The following UACA variants were observed in gnomAD, a reference collection of about 807,000 sequenced individuals.
The protein encoded by UACA is uveal autoantigen with coiled-coil domains and ankyrin repeats.
UACA carries 112 observed loss-of-function variants against 160.5 expected under a neutral mutation model. That is an observed-to-expected ratio of 0.70 (90% CI 0.60 to 0.82). UACA has a LOEUF of 0.82. Ranked by LOEUF, UACA falls within the 40% of genes least tolerant of loss-of-function variation. The pLI is 0.00. For synonymous variants in UACA, 557 were observed against 568.4 expected (o/e 0.98, Z 0.29); for missense variants, 1,574 against 1,614.6 (o/e 0.97, Z 0.43).
intron 1 of UACA, among the ~76,000 whole-genome samples, chr15:70,747,427 T>A (rs1288974277): frequency 6.6e-6 from 1 of 152,032 alleles, no homozygotes; most frequent in Non-Finnish European, 1.5e-5. Context: ...TGGAGTACAC[T>A]GTCATCATCA....
intron 1 of UACA, among the ~76,000 whole-genome samples, chr15:70,744,248 C>CAAAAA (rs5813608): frequency 5.6e-4 from 36 of 64,612 alleles, no homozygotes; most frequent in Middle Eastern, 8.9e-3. Flanking sequence ...GACTCTGTCT[C>CAAAAA]AAAAAAAAAA....
intron 1 of UACA, among the ~76,000 whole-genome samples, chr15:70,701,598 T>C (rs529943806): frequency 6.6e-5 from 10 of 152,322 alleles, no homozygotes; most frequent in African/African-American, 2.2e-4. Context: ...CATTATCATA[T>C]GATTTTCAGT....
chr15:70,682,823 C>A, intron 8 of UACA, 28 bp from the exon 9 acceptor site: 1 of 1,539,230 alleles, frequency 6.5e-7, no homozygotes, highest in South Asian at 1.3e-5. Flanking sequence ...AGAGAAACAA[C>A]AAAATGGCAG....
chr15:70,713,148 T>C (rs562269322), intron 1 of UACA, among the ~76,000 whole-genome samples: 1 of 152,172 alleles, frequency 6.6e-6, no homozygotes, highest in Non-Finnish European at 1.5e-5. Context: ...ATTGAGACCA[T>C]CCTGGCTAAC....
intron 11 of UACA, among the ~76,000 whole-genome samples, chr15:70,677,777 A>G (rs1897342383): frequency 6.6e-6 from 1 of 152,154 alleles, no homozygotes. Context: ...TGCTCATCAC[A>G]GTGTTCTCTG....
At chr15:70,707,116 G>A (rs1898543806) in intron 1 of UACA, among the ~76,000 whole-genome samples, 1 of 152,136 alleles carries the variant, frequency 6.6e-6, no homozygotes, top group Admixed American at 6.5e-5. Flanking sequence ...AAAGTAAACA[G>A]CCCACAGATA....
intron 1 of UACA, among the ~76,000 whole-genome samples, chr15:70,751,912 G>C (rs937321904): frequency 6.6e-6 from 1 of 152,036 alleles, no homozygotes; most frequent in Non-Finnish European, 1.5e-5. Flanking sequence ...ACAAAGAGAA[G>C]AATCATTTAA....
intron 2 of UACA, among the ~76,000 whole-genome samples, chr15:70,696,968 G>A (rs1172676809): frequency 6.6e-6 from 1 of 151,974 alleles, no homozygotes; most frequent in Non-Finnish European, 1.5e-5. Context: ...GATGTGCTTT[G>A]GAAAGAAGAT....
At chr15:70,726,050 A>C (rs1335994227) in intron 1 of UACA, among the ~76,000 whole-genome samples, 2 of 152,160 alleles carry the variant, frequency 1.3e-5, no homozygotes, top group African/African-American at 4.8e-5. Flanking sequence ...TCTGAATCTT[A>C]TTCATTCCCA....
intron 1 of UACA, chr15:70,753,937 C>A: frequency 3.0e-6 from 1 of 338,708 alleles, no homozygotes; most frequent in South Asian, 2.3e-5. Context: ...TCCCGAGTAG[C>A]TGAGACTACA....
At position 70,664,684 on chromosome 15, in the gene UACA, T is replaced by G; in HGVS notation, c.4091A>C (p.Lys1364Thr). Residue 1364 changes from lysine to threonine, a missense_variant, in exon 17 of 19, where the codon AAA becomes ACA. By Grantham distance (78) the Lys-to-Thr change is moderately conservative. Transcript: ENST00000322954. ...QLIDTLQHQVKSLEQQLADAD... is the reference protein window; with the variant it reads ...QLIDTLQHQVTSLEQQLADAD... ...CACGGCCAGCTGTTGCTCCAGAGAT[T>G]TCACTTGGTGCTGCAGAGTGTCAAT... 3.7e-6 allele frequency: 6 copies of G among 1,611,562 alleles called. No individual in the cohort carries two copies. The highest frequency in any genetic ancestry group is 4.2e-6 in the Non-Finnish European group (5 of 1,178,954).
chr15:70,701,379 G>A (rs1898358846), intron 1 of UACA, among the ~76,000 whole-genome samples: 3 of 152,100 alleles, frequency 2.0e-5, no homozygotes, highest in African/African-American at 4.8e-5. Flanking sequence ...AAGACATTGT[G>A]TTTTCAAATG....
Position 70,679,453 on chromosome 15 carries a change from C to CA in UACA, c.891+154dup, listed in dbSNP as rs113009669. On this transcript the variant is annotated intron_variant, in intron 10 of 18. Coordinates refer to ENST00000322954, the MANE Select transcript of UACA (RefSeq NM_018003.4). ...AAATAAATAAATAGAAGAGATTAGGCAAAAAAAAAGAGAATCACAAACAAT... is the reference window on the plus strand; with the variant it reads ...AAATAAATAAATAGAAGAGATTAGGCAAAAAAAAAAGAGAATCACAAACAAT... 1.5e-3 allele frequency among the ~76,000 whole-genome samples: 176 copies of CA among 119,172 alleles called. 2 individuals carry two copies. Among genetic ancestry groups the CA allele is most frequent in the East Asian group, 1.0e-2 (45 of 4,516 alleles). The allele number at this position is 119,172 out of a possible 152,430, so 78.2% of individuals were successfully genotyped here. A position where few individuals can be genotyped will look rare whatever the true frequency, so the allele number is the denominator to read the frequency against.
chr15:70,689,781 T>C (rs889161710), intron 5 of UACA, among the ~76,000 whole-genome samples: 1 of 152,116 alleles, frequency 6.6e-6, no homozygotes, highest in Non-Finnish European at 1.5e-5. Flanking sequence ...CAAAGTACTT[T>C]CTTTAAGACA....
chr15:70,673,783 GC>G (rs1461187138), intron 13 of UACA, among the ~76,000 whole-genome samples: 1 of 152,152 alleles, frequency 6.6e-6, no homozygotes, highest in Non-Finnish European at 1.5e-5. Context: ...TGACAGTTAA[GC>G]TTTTTTAAGC....
chr15:70,699,806 G>T, intron 1 of UACA, 146 bp from the exon 2 acceptor site: 1 of 832,178 alleles, frequency 1.2e-6, no homozygotes, highest in Non-Finnish European at 1.8e-6. Context: ...TCTCCCTTCT[G>T]TGCTAACTTC....
intron 3 of UACA, 83 bp from the exon 4 acceptor site, chr15:70,691,446 T>C: frequency 9.8e-7 from 1 of 1,023,942 alleles, no homozygotes; most frequent in Non-Finnish European, 1.5e-6. Flanking sequence ...GATTCTTTTT[T>C]CCCAAAACTA....
rs761196686 is a variant in UACA, at chr15:70,668,736, A to AT, written c.1947dup (p.Leu650IlefsTer9). 2 of 1,613,340 alleles carry AT rather than the reference A, an allele frequency of 1.2e-6. No individual in the cohort carries two copies. The highest frequency in any genetic ancestry group is 1.7e-6 in the Non-Finnish European group (2 of 1,179,882). On this transcript the variant is annotated frameshift_variant, in exon 16 of 19. Coordinates refer to ENST00000322954, the MANE Select transcript of UACA (RefSeq NM_018003.4). LOFTEE classifies it high-confidence loss of function. ...TCATGTTCTCTTTCCATTTCTACTAATTTTTTTGCTTTCTCATTCACTTCA... is the reference window on the plus strand; with the variant it reads ...TCATGTTCTCTTTCCATTTCTACTAATTTTTTTTGCTTTCTCATTCACTTCA...
intron 1 of UACA, among the ~76,000 whole-genome samples, chr15:70,708,719 C>G (rs560972764): frequency 6.6e-6 from 1 of 152,152 alleles, no homozygotes; most frequent in African/African-American, 2.4e-5. Flanking sequence ...GATCTGCCCA[C>G]GTCGGCCTCC....
Sources: allele counts gnomAD v4.1 joint callset (sites outside exome capture counted in the v4.1 genomes callset), GRCh38; gene constraint gnomAD v4.1.1; transcripts MANE v1.5; gene names NCBI Gene and HGNC (gene_info 2026-07-23, HGNC 2026-07-21).